Variants in LDLRAD4 observed in about 807,000 individuals in gnomAD.
The protein encoded by LDLRAD4 is low density lipoprotein receptor class A domain containing 4.
A neutral mutation model predicts 17.0 loss-of-function variants in LDLRAD4; 5 were observed. The ratio of observed to expected loss-of-function variants is 0.29; its 90% confidence interval spans 0.15 to 0.62. The LOEUF is 0.62. Ranked by LOEUF, LDLRAD4 falls within the 20% of genes least tolerant of loss-of-function variation. The pLI is 0.84. For missense variants in LDLRAD4, 340 were observed against 424.7 expected, an observed-to-expected ratio of 0.80 and a Z score of 1.75; for synonymous variants, 168 against 171.8, an observed-to-expected ratio of 0.98 and a Z score of 0.17.
intron 3 of LDLRAD4, among the ~76,000 whole-genome samples, chr18:13,550,748 G>A (rs1196132924): frequency 6.6e-6 from 1 of 152,224 alleles, no homozygotes; most frequent in Non-Finnish European, 1.5e-5. Context: ...AGATCTAGGG[G>A]CGGTGGAGAG....
chr18:13,536,026 C>T (rs2094196765), intron 3 of LDLRAD4, among the ~76,000 whole-genome samples: 1 of 152,106 alleles, frequency 6.6e-6, no homozygotes, highest in African/African-American at 2.4e-5. Flanking sequence ...TATCTGTATA[C>T]CAATATCATT....
intron 3 of LDLRAD4, among the ~76,000 whole-genome samples, chr18:13,618,029 A>G (rs541261866): frequency 1.7e-4 from 26 of 152,348 alleles, no homozygotes; most frequent in Admixed American, 9.1e-4. Flanking sequence ...ACACTTGCAC[A>G]TATACACATG....
At chr18:13,261,412 A>G (rs1196523416) in intron 1 of LDLRAD4, among the ~76,000 whole-genome samples, 1 of 152,244 alleles carries the variant, frequency 6.6e-6, no homozygotes, top group African/African-American at 2.4e-5. Flanking sequence ...GGGAACTTTG[A>G]GAAAATGCCC....
At chr18:13,534,014 T>C (rs1326727702) in intron 3 of LDLRAD4, among the ~76,000 whole-genome samples, 1 of 152,142 alleles carries the variant, frequency 6.6e-6, no homozygotes, top group Non-Finnish European at 1.5e-5. Context: ...AATCTCCAGG[T>C]GTGTCTTCTG....
chr18:13,528,949 T>C (rs1023798774), intron 3 of LDLRAD4, among the ~76,000 whole-genome samples: 3 of 152,232 alleles, frequency 2.0e-5, no homozygotes, highest in Admixed American at 6.5e-5. Flanking sequence ...TGGCCCACGC[T>C]TTGGGTAGCG....
chr18:13,448,261 T>C (rs1382822271), intron 3 of LDLRAD4, among the ~76,000 whole-genome samples: 1 of 152,186 alleles, frequency 6.6e-6, no homozygotes, highest in Non-Finnish European at 1.5e-5. Flanking sequence ...CCTGCGTTAA[T>C]TGTGTATATT....
rs1007647395 is a variant in LDLRAD4 at position 13,583,362 on chromosome 18, C to T, written c.182-37755C>T. Among the ~76,000 whole-genome samples the T allele has an allele frequency of 7.5e-4, 114 of 152,100 alleles. 2 individuals carry two copies. The highest frequency in any genetic ancestry group is 2.3e-3 in the African/African-American group (97 of 41,486). ...AGAGAGGATGGCTGACAGACTGGGG[C>T]GGCCTCCTGATGGCCACGTGTGTGG... is the stretch of plus-strand genomic sequence containing the variant. On this transcript the variant is annotated intron_variant, in intron 3 of 5. Coordinates refer to ENST00000359446, the Ensembl canonical transcript of LDLRAD4.
At chr18:13,277,932 TCTC>T (rs2044994980), upstream of LDLRAD4, among the ~76,000 whole-genome samples, 2 of 152,198 alleles carry the variant, frequency 1.3e-5, no homozygotes, top group African/African-American at 4.8e-5. Context: ...GTAATTCTTC[TCTC>T]TTCCTTCCCT....
chr18:13,469,895 T>G (rs543166270), intron 3 of LDLRAD4, among the ~76,000 whole-genome samples: 30 of 152,346 alleles, frequency 2.0e-4, no homozygotes, highest in African/African-American at 7.0e-4. Flanking sequence ...GCCAGGGATT[T>G]GGAGGCTGGC....
intron 1 of LDLRAD4, chr18:13,280,079 C>T (rs1457396281): frequency 6.6e-6 from 1 of 152,270 alleles, no homozygotes; most frequent in Admixed American, 6.5e-5. Flanking sequence ...CAGGATGTGC[C>T]TGTCTCCTTG....
intron 1 of LDLRAD4, among the ~76,000 whole-genome samples, chr18:13,228,741 A>T (rs897960566): frequency 1.3e-5 from 2 of 152,176 alleles, no homozygotes; most frequent in Non-Finnish European, 1.5e-5. Context: ...CTTTCCTTCT[A>T]TTGGGTTTGA....
At chr18:13,280,510 C>CT (rs1188023271) in intron 1 of LDLRAD4, among the ~76,000 whole-genome samples, 1 of 152,244 alleles carries the variant, frequency 6.6e-6, no homozygotes, top group Non-Finnish European at 1.5e-5. Context: ...CCTGCTCTCT[C>CT]TGTCCTCTTT....
At chr18:13,452,964 T>C (rs903803833) in intron 3 of LDLRAD4, among the ~76,000 whole-genome samples, 1 of 151,614 alleles carries the variant, frequency 6.6e-6, no homozygotes, top group African/African-American at 2.4e-5. Flanking sequence ...CTACATGGAA[T>C]GCTGCTTTCC....
intron 1 of LDLRAD4, among the ~76,000 whole-genome samples, chr18:13,319,279 G>A (rs927198513): frequency 5.3e-5 from 8 of 152,144 alleles, no homozygotes; most frequent in Admixed American, 2.0e-4. Flanking sequence ...GGTATGATTC[G>A]TCCCAGTTCA....
chr18:13,641,947 G>T (rs4796991), intron 4 of LDLRAD4: 603,095 of 984,964 alleles, frequency 0.61, 185,267 homozygotes, highest in East Asian at 0.88. Flanking sequence ...CTCCCGGAGC[G>T]AGGAGCGCCC....
At chr18:13,258,642 TG>T (rs1055284088) in intron 1 of LDLRAD4, among the ~76,000 whole-genome samples, 8 of 152,234 alleles carry the variant, frequency 5.3e-5, no homozygotes, top group Admixed American at 2.6e-4. Context: ...TCCTTTTTAC[TG>T]GGTCCCATAA....
chr18:13,572,463 C>G (rs1453305318), intron 3 of LDLRAD4, among the ~76,000 whole-genome samples: 2 of 152,196 alleles, frequency 1.3e-5, no homozygotes, highest in East Asian at 3.8e-4. Flanking sequence ...AAGAGAATCC[C>G]TTGGCCTTTT....
At chr18:13,336,983 A>C (rs2082133790) in intron 1 of LDLRAD4, among the ~76,000 whole-genome samples, 1 of 151,906 alleles carries the variant, frequency 6.6e-6, no homozygotes. Flanking sequence ...CCTTTTTATT[A>C]CTCATCATTG....
intron 1 of LDLRAD4, among the ~76,000 whole-genome samples, chr18:13,325,479 C>G (rs1281312324): frequency 3.3e-5 from 5 of 152,170 alleles, no homozygotes. Flanking sequence ...CACACACCTC[C>G]CCTCGCTGCC....
Sources: gnomAD v4.1 joint callset for allele counts (sites outside exome capture counted in the v4.1 genomes callset) on GRCh38, gnomAD v4.1.1 for gene constraint, MANE v1.5 for transcripts, NCBI Gene and HGNC (gene_info 2026-07-23, HGNC 2026-07-21) for gene names.